FYTTD1: variants seen among roughly 807,000 people sequenced by gnomAD.
FYTTD1 encodes forty-two-three domain containing 1, also known as UAP56-interacting factor.
FYTTD1 carries 22 observed loss-of-function variants against 40.9 expected under a neutral mutation model. The observed-to-expected ratio is 0.54, with a 90% CI of 0.38 to 0.77. The LOEUF (loss-of-function observed/expected upper bound fraction) is 0.77. Among genes scored for constraint, FYTTD1 ranks in the 30% least tolerant of loss-of-function variants. The pLI is 0.00. For missense variants in FYTTD1, 351 were observed against 392.2 expected (o/e 0.90, Z 0.89); for synonymous variants, 140 against 137.9 (o/e 1.01, Z -0.10).
chr3:197,773,023 A>C (rs1180297233), intron 4 of FYTTD1, among the ~76,000 whole-genome samples: 1 of 152,146 alleles, frequency 6.6e-6, no homozygotes, highest in Non-Finnish European at 1.5e-5. Flanking sequence ...AGTTTATTTT[A>C]CGTCTTCAGT....
At chr3:197,766,577 G>A (rs56047067) in intron 2 of FYTTD1, among the ~76,000 whole-genome samples, 4,114 of 151,760 alleles carry the variant, frequency 0.027, 162 homozygotes, top group African/African-American at 0.093. Flanking sequence ...CTATTATCTG[G>A]GACTACAGGT....
intron 8 of FYTTD1, among the ~76,000 whole-genome samples, chr3:197,779,315 T>C (rs941936435): frequency 2.6e-5 from 4 of 151,722 alleles, no homozygotes; most frequent in Non-Finnish European, 5.9e-5. Flanking sequence ...CTAAGGAGGC[T>C]GAGGCAGGAG....
chr3:197,769,660 A>G (rs142873689), intron 3 of FYTTD1, among the ~76,000 whole-genome samples: 1,850 of 152,136 alleles, frequency 0.012, 28 homozygotes, highest in Non-Finnish European at 0.021. Context: ...TTGCTGTCAT[A>G]ACTTCCCCAC....
intron 1 of FYTTD1, among the ~76,000 whole-genome samples, chr3:197,752,423 C>A (rs1729086811): frequency 6.6e-6 from 1 of 152,150 alleles, no homozygotes. Flanking sequence ...TAGAACAGGA[C>A]CTGGTACACA....
chr3:197,759,979 A>C (rs556518117), intron 2 of FYTTD1, among the ~76,000 whole-genome samples: 1 of 146,336 alleles, frequency 6.8e-6, no homozygotes, highest in African/African-American at 2.6e-5. Flanking sequence ...GAATGTATGG[A>C]GTTCTTCAGT....
intron 8 of FYTTD1, among the ~76,000 whole-genome samples, chr3:197,780,546 AT>A (rs1213633153): frequency 0.017 from 2,538 of 145,528 alleles, 33 homozygotes; most frequent in Middle Eastern, 0.025. Context: ...TTAGGCATAG[AT>A]TTTTTTTTTT....
intron 1 of FYTTD1, 175 bp downstream of exon 1, chr3:197,750,249 G>C: frequency 1.2e-6 from 1 of 863,644 alleles, no homozygotes; most frequent in East Asian, 3.4e-5. Context: ...TCGACGCCAG[G>C]TGCCCGGCTG....
intron 2 of FYTTD1, among the ~76,000 whole-genome samples, chr3:197,764,579 G>T (rs1466475034): frequency 1.3e-5 from 2 of 151,760 alleles, no homozygotes; most frequent in Non-Finnish European, 2.9e-5. Context: ...CATGGTGGTG[G>T]GCGCCTGTAG....
At chr3:197,769,676 C>A (rs1345352599) in intron 3 of FYTTD1, among the ~76,000 whole-genome samples, 1 of 150,896 alleles carries the variant, frequency 6.6e-6, no homozygotes, top group Non-Finnish European at 1.5e-5. Flanking sequence ...CCCACTTTTT[C>A]TTTTTTTTTG....
intron 8 of FYTTD1, 45 bp from the exon 9 acceptor site, chr3:197,781,766 T>C (rs764978227): frequency 7.3e-7 from 1 of 1,378,584 alleles, no homozygotes; most frequent in South Asian, 1.2e-5. Context: ...AGTAAAGTTG[T>C]TAATTGTTGC....
chr3:197,772,059 A>C (rs916572932), intron 4 of FYTTD1, among the ~76,000 whole-genome samples: 1 of 152,136 alleles, frequency 6.6e-6, no homozygotes, highest in Non-Finnish European at 1.5e-5. Context: ...GTGCCACTGC[A>C]CTCCAGCCTG....
chr3:197,780,785 C>T (rs571431610), intron 8 of FYTTD1, among the ~76,000 whole-genome samples: 158 of 152,012 alleles, frequency 1.0e-3, no homozygotes, highest in East Asian at 5.8e-4. Flanking sequence ...ACTTTTGATC[C>T]GCCTGCCTTG....
intron 2 of FYTTD1, among the ~76,000 whole-genome samples, chr3:197,767,263 C>T (rs1421023776): frequency 6.6e-6 from 1 of 151,858 alleles, no homozygotes; most frequent in South Asian, 2.1e-4. Context: ...CTCAGCCTCC[C>T]GAGTAGCTGG....
chr3:197,758,519 T>C (rs1311598811), intron 2 of FYTTD1, among the ~76,000 whole-genome samples: 2 of 152,192 alleles, frequency 1.3e-5, no homozygotes, highest in Non-Finnish European at 2.9e-5. Flanking sequence ...TATAGGACTT[T>C]AGAGATTTTG....
At chr3:197,763,057 C>T (rs1386223794) in intron 2 of FYTTD1, among the ~76,000 whole-genome samples, 2 of 152,058 alleles carry the variant, frequency 1.3e-5, no homozygotes, top group African/African-American at 4.8e-5. Context: ...GAGATGTTTA[C>T]CCTATGTGTA....
At chr3:197,777,230 G>A (rs1254971412) in intron 7 of FYTTD1, among the ~76,000 whole-genome samples, 7 of 152,134 alleles carry the variant, frequency 4.6e-5, no homozygotes, top group African/African-American at 1.7e-4. Context: ...TGTTTTTTAT[G>A]TTTTAAAAAT....
rs534561078 is a variant in FYTTD1, at chr3:197,778,643, A to G, written c.858+179A>G. On this transcript the variant is annotated intron_variant, in intron 8 of 8. Coordinates refer to ENST00000241502, the MANE Select transcript of FYTTD1 (RefSeq NM_032288.7). ...TTTGACATTTCATATAAATCAGCTCATACGGTATACATTTGTGACTGAATT... is the reference window on the plus strand; with the variant it reads ...TTTGACATTTCATATAAATCAGCTCGTACGGTATACATTTGTGACTGAATT... Among the ~76,000 whole-genome samples the G allele has an allele frequency of 3.3e-5, 5 of 152,364 alleles. No homozygotes were observed. In the South Asian group the frequency reaches 1.0e-3, roughly 32 times the overall value.
At chr3:197,757,776 A>C (rs529545860) in intron 2 of FYTTD1, among the ~76,000 whole-genome samples, 1 of 152,350 alleles carries the variant, frequency 6.6e-6, no homozygotes, top group Admixed American at 6.5e-5. Flanking sequence ...AAAAGTACAT[A>C]TAACTGAGAT....
At chr3:197,766,261 ATATAT>A (rs1294110752) in intron 2 of FYTTD1, among the ~76,000 whole-genome samples, 1 of 152,140 alleles carries the variant, frequency 6.6e-6, no homozygotes, top group East Asian at 1.9e-4. Context: ...GTGTTTAAAA[ATATAT>A]CTGTGGTTCT....
Sources: allele counts gnomAD v4.1 joint callset (sites outside exome capture counted in the v4.1 genomes callset), GRCh38; gene constraint gnomAD v4.1.1; transcripts MANE v1.5; gene names NCBI Gene and HGNC (gene_info 2026-07-23, HGNC 2026-07-21).